The following FCGR3A variants were observed in gnomAD, a reference collection of about 807,000 sequenced individuals.
The protein encoded by FCGR3A is low affinity immunoglobulin gamma Fc region receptor III-A.
Under a neutral mutation model 24.1 loss-of-function variants are expected in FCGR3A, and 13 were observed. The observed-to-expected ratio is 0.54, with a 90% CI of 0.35 to 0.86. The LOEUF (loss-of-function observed/expected upper bound fraction) is 0.86. Among genes scored for constraint, FCGR3A ranks in the 40% least tolerant of loss-of-function variants. The pLI, the probability that FCGR3A is intolerant of heterozygous loss-of-function variation, is 0.01. For synonymous variants in FCGR3A, 93 were observed against 112.2 expected (o/e 0.83, Z 1.08); for missense variants, 235 against 298.0 (o/e 0.79, Z 1.56).
chr1:161,549,806 G>A lies in FCGR3A; in HGVS notation c.-70C>T, dbSNP rs961283539. On this transcript the variant is annotated 5_prime_UTR_variant, in exon 1 of 5. Transcript: ENST00000443193. ...CTAAAGGGACCAAACCGACTAGACA[G>A]GAGGAAGTAAACAGCCTTTCCCCAG... 7 of 1,613,706 alleles carry A rather than the reference G, an allele frequency of 4.3e-6. No individual in the cohort carries two copies. In the African/African-American group the frequency reaches 5.3e-5, roughly 12 times the overall value.
chr1:161,547,534 AG>A (rs1441350121), intron 3 of FCGR3A, among the ~76,000 whole-genome samples: 1 of 152,228 alleles, frequency 6.6e-6, no homozygotes, highest in African/African-American at 2.4e-5. Flanking sequence ...TTCTGTTAAT[AG>A]TACACAAGAA....
At chr1:161,547,578 A>G (rs1252183129) in intron 3 of FCGR3A, among the ~76,000 whole-genome samples, 6 of 152,228 alleles carry the variant, frequency 3.9e-5, no homozygotes, top group African/African-American at 1.4e-4. Context: ...CAGGCTGAAC[A>G]TGTATCTGCC....
intron 2 of FCGR3A, 138 bp from the exon 3 acceptor site, chr1:161,548,816 C>A (rs552862162): frequency 1.8e-5 from 27 of 1,460,252 alleles, no homozygotes; most frequent in Non-Finnish European, 2.5e-5. Context: ...ATCTTGGCCC[C>A]ATTTTTGGCC....
chr1:161,543,928 T>C (rs1422552270), intron 4 of FCGR3A, among the ~76,000 whole-genome samples: 2 of 152,254 alleles, frequency 1.3e-5, no homozygotes, highest in Non-Finnish European at 2.9e-5. Flanking sequence ...CCTAGAGATG[T>C]TTTGTGGATG....
chr1:161,543,146 A>G lies in FCGR3A; in HGVS notation c.631T>C (p.Phe211Leu). 1.2e-6 allele frequency: 2 copies of G among 1,613,542 alleles called. No individual in the cohort carries two copies. Among genetic ancestry groups the G allele is most frequent in the Non-Finnish European group, 1.7e-6 (2 of 1,179,634 alleles). Residue 211 changes from phenylalanine to leucine, a missense_variant, in exon 5 of 5, where the codon TTC becomes CTC. Coordinates refer to ENST00000443193, the MANE Select transcript of FCGR3A (RefSeq NM_000569.8). ...SFFPPGYQVS[F>L]CLVMVLLFAV... ...AAAAGGAGTACCATCACCAAGCAGA[A>G]AGAGACTTGGTACCCAGGTGGAAAG...
Position 161,543,188 on chromosome 1 carries a change from A to G in FCGR3A, c.589T>C (p.Ser197Pro), listed in dbSNP as rs368814629. 5.0e-6 allele frequency: 8 copies of G among 1,613,114 alleles called. No homozygotes were observed. The African/African-American group carries it at 5.3e-5, about 11-fold the overall frequency. ...NITITQGLAV[S>P]TISSFFPPGY... ...GGTGGAAAGAATGATGAGATGGTTG[A>G]CACTGCCAAACCTATTAGGAGAAGT... is the stretch of plus-strand genomic sequence containing the variant. The change falls in exon 5 of 5, where the codon TCA becomes CCA. Residue 197 changes from serine (S) to proline (P), a missense_variant. Transcript: ENST00000443193.
intron 1 of FCGR3A, among the ~76,000 whole-genome samples, chr1:161,549,305 T>C (rs575791389): frequency 2.0e-5 from 3 of 151,894 alleles, no homozygotes; most frequent in African/African-American, 7.2e-5. Flanking sequence ...ACAGGTTGAA[T>C]TTCCCTGAAC....
chr1:161,545,060 C>T (rs1047063239), intron 3 of FCGR3A, 102 bp from the exon 4 acceptor site: 2 of 1,497,106 alleles, frequency 1.3e-6, no homozygotes, highest in African/African-American at 2.8e-5. Context: ...TAAGGGAAAG[C>T]CAGATTGGGA....
chr1:161,548,492 T>A lies in FCGR3A; in HGVS notation c.248A>T (p.Asp83Val), dbSNP rs1246915443. ...TGTCTGGCACCTGTACTCTCCACTGTCGTCGACTGTGGCAGCGTCAATGAA... is the reference window on the plus strand; with the variant it reads ...TGTCTGGCACCTGTACTCTCCACTGACGTCGACTGTGGCAGCGTCAATGAA... ...SYFIDAATVD[D>V]SGEYRCQTNL... The change falls in exon 3 of 5, where the codon GAC becomes GTC. Residue 83 changes from aspartate (D) to valine (V), a missense_variant. Transcript: ENST00000443193. 1 of 1,613,922 alleles carries A rather than the reference T, an allele frequency of 6.2e-7. No individual in the cohort carries two copies. Among genetic ancestry groups the A allele is most frequent in the African/African-American group, 1.3e-5 (1 of 74,938 alleles).
chr1:161,549,630 A>C, intron 1 of FCGR3A, 67 bp downstream of exon 1: 1 of 1,599,048 alleles, frequency 6.3e-7, no homozygotes, highest in Admixed American at 1.7e-5. Flanking sequence ...TCGTAGCCTG[A>C]AAAGGGGTCT....
chr1:161,546,094 T>A (rs1436678111), intron 3 of FCGR3A, among the ~76,000 whole-genome samples: 1 of 152,100 alleles, frequency 6.6e-6, no homozygotes, highest in Non-Finnish European at 1.5e-5. Flanking sequence ...TGAATTACTA[T>A]AATTTAAAAA....
upstream of FCGR3A, chr1:161,549,933 C>T (rs546559546): frequency 6.7e-7 from 1 of 1,486,720 alleles, no homozygotes; most frequent in Non-Finnish European, 9.1e-7. Flanking sequence ...TAGAACAGGA[C>T]CAGGAAGGAA....
chr1:161,547,939 G>A lies in FCGR3A; in HGVS notation c.319+482C>T, dbSNP rs1256259342. Among the ~76,000 whole-genome samples, 7 of 152,282 alleles carry A rather than the reference G, an allele frequency of 4.6e-5. No homozygotes were observed. In the South Asian group the frequency reaches 6.2e-4, roughly 13 times the overall value. Reference sequence around the variant, plus strand: ...ACAAAAATTAGCTGGGCGTGGTGGCGGGTGCCTGTAATCTCAGCTACTCGG... The same window carrying A: ...ACAAAAATTAGCTGGGCGTGGTGGCAGGTGCCTGTAATCTCAGCTACTCGG... On this transcript the variant is annotated intron_variant, in intron 3 of 4. Coordinates refer to ENST00000443193, the MANE Select transcript of FCGR3A (RefSeq NM_000569.8).
At chr1:161,546,459 A>C (rs1677399836) in intron 3 of FCGR3A, among the ~76,000 whole-genome samples, 1 of 152,062 alleles carries the variant, frequency 6.6e-6, no homozygotes, top group South Asian at 2.1e-4. Context: ...GATGGGACAT[A>C]TAGTTCTCAG....
At chr1:161,549,828 C>T (rs1231898548), upstream of FCGR3A, 1 of 1,613,674 alleles carries the variant, frequency 6.2e-7, no homozygotes, top group East Asian at 2.2e-5. Context: ...CAGCCTTTCC[C>T]CAGCCCCTCC....
chr1:161,543,719 G>C (rs1482087979), intron 4 of FCGR3A, among the ~76,000 whole-genome samples: 1 of 152,196 alleles, frequency 6.6e-6, no homozygotes, highest in Non-Finnish European at 1.5e-5. Context: ...TTTACTTTCA[G>C]TTTAAAGTGT....
Position 161,543,059 on chromosome 1 carries a change from A to C in FCGR3A, c.718T>G (p.Trp240Gly), listed in dbSNP as rs552900777. Residue 240 changes from tryptophan to glycine, a missense_variant, in exon 5 of 5, where the codon TGG (tryptophan) becomes GGG (glycine). By Grantham distance (184) the Trp-to-Gly change is radical. Coordinates refer to ENST00000443193, the MANE Select transcript of FCGR3A (RefSeq NM_000569.8). The stretch of plus-strand genomic sequence containing the variant: ...CTCCATTTAAATTTATGGTCCTTCC[A>C]GTCTCTTGTTGAGCTTCGAATGTTT... ...KTNIRSSTRDWKDHKFKWRKD... is the reference protein window; with the variant it reads ...KTNIRSSTRDGKDHKFKWRKD... 4 of 1,613,366 alleles carry C rather than the reference A, an allele frequency of 2.5e-6. No homozygotes were observed. In the African/African-American group the frequency reaches 4.0e-5, roughly 16 times the overall value.
upstream of FCGR3A, chr1:161,550,500 G>A (rs1455740629): frequency 6.5e-6 from 1 of 153,992 alleles, no homozygotes; most frequent in African/African-American, 2.4e-5. Context: ...AAAGGTGGGG[G>A]TGGGGAGGGG....
chr1:161,542,306 C>T lies in FCGR3A; in HGVS notation c.*706G>A, dbSNP rs114081727. On this transcript the variant is annotated 3_prime_UTR_variant, in exon 5 of 5. Coordinates refer to ENST00000443193, the MANE Select transcript of FCGR3A (RefSeq NM_000569.8). ...CACCCCCCACCGCAATCCTCAGTCC[C>T]CTTCCTAGGACCATTTTCTACTCCT... 3 of 151,516 alleles carry T rather than the reference C, an allele frequency of 2.0e-5. No individual in the cohort carries two copies. The highest frequency in any genetic ancestry group is 6.6e-5 in the Admixed American group (1 of 15,192). The allele number at this position is 151,516 out of a possible 1,614,324, so 9.4% of individuals were successfully genotyped here.
Sources: allele counts gnomAD v4.1 joint callset (sites outside exome capture counted in the v4.1 genomes callset), GRCh38; gene constraint gnomAD v4.1.1; transcripts MANE v1.5; gene names NCBI Gene and HGNC (gene_info 2026-07-23, HGNC 2026-07-21).